Variants in DIDO1 observed in about 807,000 individuals in gnomAD.
The protein encoded by DIDO1 is death inducer-obliterator 1, also known as death-inducer obliterator 1.
DIDO1 carries 16 observed loss-of-function variants against 99.4 expected under a neutral mutation model. That is an observed-to-expected ratio of 0.16 (90% CI 0.11 to 0.24). The LOEUF is 0.24. Among genes scored for constraint, DIDO1 ranks in the 10% least tolerant of loss-of-function variants. DIDO1 has a pLI of 1.00. For synonymous variants in DIDO1, 1,366 were observed against 1,239.1 expected (o/e 1.10, Z -2.15); for missense variants, 2,996 against 3,014.0 (o/e 0.99, Z 0.14).
rs967742878 is a variant in DIDO1 at position 62,931,982 on chromosome 20, C to CCAA, written c.-200+5811_-200+5813dup. Among the ~76,000 whole-genome samples, 6 of 151,958 alleles carry CCAA rather than the reference C, an allele frequency of 3.9e-5. No homozygotes were observed. In the South Asian group the frequency reaches 6.3e-4, roughly 16 times the overall value. ...AGAAAGAGTGTGTTTGGAGGAAATACCAACAACAACAACAAAGACTGAGGT... is the reference window on the plus strand; with the variant it reads ...AGAAAGAGTGTGTTTGGAGGAAATACCAACAACAACAACAACAAAGACTGAGGT... On this transcript the variant is annotated intron_variant, in intron 1 of 15. Transcript: ENST00000266070.
intron 15 of DIDO1, chr20:62,889,859 T>G (rs1176618554): frequency 3.0e-6 from 3 of 985,488 alleles, no homozygotes; most frequent in Non-Finnish European, 3.6e-6. Flanking sequence ...ACCCTGAAAT[T>G]ACTGATACCA....
chr20:62,879,921 T>A lies in DIDO1; in HGVS notation c.6035A>T (p.Gln2012Leu). The change falls in exon 16 of 16, where the codon CAG becomes CTG. Residue 2012 changes from glutamine to leucine, a missense_variant. This residue lies in a region of DIDO1 where 1,562 missense variants were observed against 1,412.6 expected (regional missense o/e 1.11). Transcript: ENST00000395343. This position sits in a 1 kb window ranked among gnomAD's most constrained non-coding sequence, Gnocchi z 6.3. ...NEQTPSRFHF[Q>L]GQAPQVMKPG... ...CTTCATCACCTGCGGGGCCTGGCCC[T>A]GGAAGTGAAATCGCGAAGGGGTCTG... is the stretch of plus-strand genomic sequence containing the variant. 1 of 1,594,556 alleles carries A rather than the reference T, an allele frequency of 6.3e-7. No homozygotes were observed. The highest frequency in any genetic ancestry group is 8.5e-7 in the Non-Finnish European group (1 of 1,172,432).
rs190978818 is a variant in DIDO1 at position 62,881,145 on chromosome 20, G to A, written c.4811C>T (p.Ala1604Val). ...TTTTTCCTCCGGGACTGGCATGGGCGCCTGGCCCACGAGGCCACCCCTGGA... is the reference window on the plus strand; with the variant it reads ...TTTTTCCTCCGGGACTGGCATGGGCACCTGGCCCACGAGGCCACCCCTGGA... ...DASRGGLVGQAPMPVPEEKEP... is the reference protein window; with the variant it reads ...DASRGGLVGQVPMPVPEEKEP... The change falls in exon 16 of 16, where the codon GCG (alanine) becomes GTG (valine). Residue 1604 changes from alanine to valine, a missense_variant. Coordinates refer to ENST00000395343, the MANE Select transcript of DIDO1 (RefSeq NM_001193369.2). This position sits in a 1 kb window ranked among gnomAD's most constrained non-coding sequence, Gnocchi z 8.3. 4.9e-3 allele frequency: 7,939 copies of A among 1,608,066 alleles called. 221 individuals are homozygous for A. The Admixed American group carries it at 0.066, about 13-fold the overall frequency.
chr20:62,896,943 T>C lies in DIDO1; in HGVS notation c.1642A>G (p.Lys548Glu). Reference sequence around the variant, plus strand: ...GCGGAGCCTGGAGGGGCTGTTTTCTTTGAGGCTGCCATGGCTGCCGCTTTC... The same window carrying C: ...GCGGAGCCTGGAGGGGCTGTTTTCTCTGAGGCTGCCATGGCTGCCGCTTTC... ...EEKAAAMAAS[K>E]KTAPPGSAVG... Residue 548 changes from lysine (K) to glutamate (E), a missense_variant, in exon 7 of 16, where the codon AAG becomes GAG. Coordinates refer to ENST00000395343, the MANE Select transcript of DIDO1 (RefSeq NM_001193369.2). The surrounding 1 kb of genome is among the most constrained non-coding windows in gnomAD (Gnocchi z 4.4). 5 of 1,613,944 alleles carry C rather than the reference T, an allele frequency of 3.1e-6. No individual in the cohort carries two copies. The highest frequency in any genetic ancestry group is 4.2e-6 in the Non-Finnish European group (5 of 1,179,944).
At chr20:62,895,206 A>AT in intron 8 of DIDO1, 41 bp from the exon 9 acceptor site, 2 of 1,532,828 alleles carry the variant, frequency 1.3e-6, no homozygotes, top group Non-Finnish European at 1.8e-6. Flanking sequence ...TAATATTCCT[A>AT]TATCTGTCAA....
chr20:62,912,238 A>C (rs1568873965), intron 2 of DIDO1, among the ~76,000 whole-genome samples: 1 of 152,170 alleles, frequency 6.6e-6, no homozygotes, highest in Non-Finnish European at 1.5e-5. Context: ...GACCCTCCAT[A>C]CCAGCCCTGC....
At position 62,911,412 on chromosome 20, in the gene DIDO1, C is replaced by A; in HGVS notation, c.201G>T (p.Gln67His). 1 of 1,610,938 alleles carries A rather than the reference C, an allele frequency of 6.2e-7. No homozygotes were observed. Among genetic ancestry groups the A allele is most frequent in the Non-Finnish European group, 8.5e-7 (1 of 1,178,340 alleles). ...GCTCCACGCGCTCAGTGCGCTTGGG[C>A]TGCCTCCCACTGCGCCGCAGGGACA... ...LGLSLRRSGR[Q>H]PKRTERVEQF... Residue 67 changes from glutamine to histidine, a missense_variant, in exon 3 of 16, where the codon CAG becomes CAT. Coordinates refer to ENST00000395343, the MANE Select transcript of DIDO1 (RefSeq NM_001193369.2). The surrounding 1 kb of genome is among the most constrained non-coding windows in gnomAD (Gnocchi z 7.0).
intron 6 of DIDO1, chr20:62,905,000 A>G (rs1313151547): frequency 8.1e-6 from 8 of 988,472 alleles, no homozygotes; most frequent in Non-Finnish European, 9.6e-6. Context: ...AGAAGGCATT[A>G]AAGACTGAAT....
At chr20:62,916,249 C>T (rs1056236581) in intron 1 of DIDO1, among the ~76,000 whole-genome samples, 9 of 152,154 alleles carry the variant, frequency 5.9e-5, no homozygotes, top group Non-Finnish European at 8.8e-5. Flanking sequence ...ATCCTTGAAG[C>T]TGGGAAGTGA....
chr20:62,878,851 A>C lies in DIDO1; in HGVS notation c.*382T>G. 6.1e-6 allele frequency: 1 copy of C among 163,976 alleles called. No individual in the cohort carries two copies. Among genetic ancestry groups the C allele is most frequent in the Non-Finnish European group, 1.3e-5 (1 of 76,400 alleles). 10.2% of individuals were successfully genotyped at this position (163,976 alleles called of 1,614,324 possible). Reference sequence around the variant, plus strand: ...CACACCGGCCTCCGGGGCGGCGGCTAAGACCTGTAAAAGCAGCTTTTGGAA... The same window carrying C: ...CACACCGGCCTCCGGGGCGGCGGCTCAGACCTGTAAAAGCAGCTTTTGGAA... On this transcript the variant is annotated 3_prime_UTR_variant, in exon 16 of 16. Coordinates refer to ENST00000395343, the MANE Select transcript of DIDO1 (RefSeq NM_001193369.2).
At position 62,881,000 on chromosome 20, in the gene DIDO1, G is replaced by A. The variant is rs764067565; in HGVS notation, c.4956C>T (p.Ala1652=). Residue 1652 remains alanine, a synonymous_variant, in exon 16 of 16, where the codon GCC becomes GCT. Coordinates refer to ENST00000395343, the MANE Select transcript of DIDO1 (RefSeq NM_001193369.2). ...GCAGCAGCACCCTCCGGGCAGGCCT[G>A]GCCGAGCTGTCTCCAACCGTGGCGG... ...TRPATVGDSS[A]RPARRVLLPT... is the part of the protein sequence containing the mutation. The A allele has an allele frequency of 3.1e-6, 5 of 1,605,694 alleles. No individual in the cohort carries two copies. Among genetic ancestry groups the A allele is most frequent in the South Asian group, 2.2e-5 (2 of 90,908 alleles).
intron 1 of DIDO1, among the ~76,000 whole-genome samples, chr20:62,935,572 C>A (rs762228442): frequency 6.6e-6 from 1 of 152,020 alleles, no homozygotes; most frequent in Non-Finnish European, 1.5e-5. Context: ...CAGGAGTTAG[C>A]CTAGGGAAGG....
chr20:62,898,769 C>T (rs1413745683), intron 6 of DIDO1, among the ~76,000 whole-genome samples: 1 of 152,240 alleles, frequency 6.6e-6, no homozygotes, highest in Non-Finnish European at 1.5e-5. Context: ...ATGGCAACGT[C>T]TAACACGACA....
intron 5 of DIDO1, among the ~76,000 whole-genome samples, chr20:62,906,380 A>G (rs2064805467): frequency 6.6e-6 from 1 of 152,166 alleles, no homozygotes; most frequent in Non-Finnish European, 1.5e-5. Flanking sequence ...TGAGGTGCCA[A>G]GTTGCCAAGA....
chr20:62,934,800 A>C (rs544483663), intron 1 of DIDO1, among the ~76,000 whole-genome samples: 46 of 152,296 alleles, frequency 3.0e-4, no homozygotes, highest in African/African-American at 1.1e-3. Context: ...GGAAACTGCT[A>C]ACATAGCTTC....
intron 6 of DIDO1, among the ~76,000 whole-genome samples, chr20:62,900,893 GA>G (rs1222879352): frequency 6.6e-6 from 1 of 152,224 alleles, no homozygotes; most frequent in Non-Finnish European, 1.5e-5. Flanking sequence ...AGGAACTGTG[GA>G]AGTAAATTCT....
At position 62,896,158 on chromosome 20, in the gene DIDO1, A is replaced by G. The variant is rs988985653; in HGVS notation, c.2214+75T>C. Reference sequence around the variant, plus strand: ...TTCCTGGAAAGGACACGAACATCTCAAAATATTGGTTGATCCCTTTAGCAC... The same window carrying G: ...TTCCTGGAAAGGACACGAACATCTCGAAATATTGGTTGATCCCTTTAGCAC... On this transcript the variant is annotated intron_variant, in intron 8 of 15. Coordinates refer to ENST00000395343, the MANE Select transcript of DIDO1 (RefSeq NM_001193369.2). This position sits in a 1 kb window ranked among gnomAD's most constrained non-coding sequence, Gnocchi z 4.4. 3.5e-6 allele frequency: 5 copies of G among 1,426,594 alleles called. No individual in the cohort carries two copies. In the Admixed American group the frequency reaches 9.0e-5, roughly 26 times the overall value. The allele number at this position is 1,426,594 out of a possible 1,614,324, so 88.4% of individuals were successfully genotyped here.
At chr20:62,917,045 T>C (rs1381495618) in intron 1 of DIDO1, among the ~76,000 whole-genome samples, 1 of 152,162 alleles carries the variant, frequency 6.6e-6, no homozygotes, top group Non-Finnish European at 1.5e-5. Flanking sequence ...TTTTTTCCTG[T>C]TGCCCAGGAT....
chr20:62,892,927 G>T lies in DIDO1; in HGVS notation c.3137C>A (p.Thr1046Lys). The change falls in exon 13 of 16, where the codon ACG becomes AAG. Residue 1046 changes from threonine to lysine, a missense_variant. This residue lies in a region of DIDO1 where 898 missense variants were observed against 972.7 expected (regional missense o/e 0.92). Coordinates refer to ENST00000395343, the MANE Select transcript of DIDO1 (RefSeq NM_001193369.2). The stretch of plus-strand genomic sequence containing the variant: ...GCTGAGTCGAGACAAAAAGAGGGTC[G>T]TGTCTCCCTCTGGAGGGGAACGTGA... ...SESRSPPEGD[T>K]TLFLSRLSTI... 1.9e-6 allele frequency: 3 copies of T among 1,613,784 alleles called. No homozygotes were observed. The highest frequency in any genetic ancestry group is 2.5e-6 in the Non-Finnish European group (3 of 1,179,846).
Sources: allele counts gnomAD v4.1 joint callset (sites outside exome capture counted in the v4.1 genomes callset), GRCh38; gene constraint gnomAD v4.1.1; regional missense constraint gnomAD v4.1.1; non-coding constraint Gnocchi (gnomAD v3.1); transcripts MANE v1.5; gene names NCBI Gene and HGNC (gene_info 2026-07-23, HGNC 2026-07-21).